Variants in SGCZ observed in about 807,000 individuals in gnomAD.
SGCZ encodes sarcoglycan zeta, also known as zeta-sarcoglycan.
In SGCZ, 40 loss-of-function variants were observed where a neutral mutation model predicts 41.3. The ratio of observed to expected loss-of-function variants is 0.97; its 90% CI spans 0.75 to 1.26. The LOEUF is 1.26. Among genes scored for constraint, SGCZ ranks in the 50% most tolerant of loss-of-function variants. SGCZ has a pLI of 0.00. For missense variants in SGCZ, 552 were observed against 369.8 expected (o/e 1.49, Z -4.04); for synonymous variants, 206 against 137.5 (o/e 1.50, Z -3.49).
chr8:14,332,960 T>C (rs1306154110), intron 2 of SGCZ, among the ~76,000 whole-genome samples: 1 of 150,904 alleles, frequency 6.6e-6, no homozygotes, highest in Non-Finnish European at 1.5e-5. Flanking sequence ...TATAAAATGT[T>C]CACATACGAA....
intron 1 of SGCZ, among the ~76,000 whole-genome samples, chr8:15,166,232 C>CTTTTTTTTTTCTTTT (rs1288920300): frequency 6.9e-6 from 1 of 145,258 alleles, no homozygotes; most frequent in Admixed American, 7.0e-5. Context: ...ATGCTCAATC[C>CTTTTTTTTTTCTTTT]TTTTTTTTTT....
intron 4 of SGCZ, chr8:14,164,921 T>C (rs1804162296): frequency 4.1e-6 from 2 of 489,926 alleles, no homozygotes; most frequent in African/African-American, 3.9e-5. Context: ...AGGTGACCTC[T>C]GGATGTCTGA....
At chr8:14,991,236 T>G (rs1802004397) in intron 1 of SGCZ, among the ~76,000 whole-genome samples, 1 of 152,232 alleles carries the variant, frequency 6.6e-6, no homozygotes, top group East Asian at 1.9e-4. Context: ...GTCTTTATTC[T>G]CATTCCATTC....
intron 7 of SGCZ, among the ~76,000 whole-genome samples, chr8:14,095,882 A>T (rs1037679224): frequency 4.6e-5 from 7 of 151,888 alleles, no homozygotes; most frequent in African/African-American, 9.7e-5. Context: ...GTGGGAGTTG[A>T]CTCATGATTT....
chr8:14,832,313 T>C (rs1243754990), intron 1 of SGCZ, among the ~76,000 whole-genome samples: 1 of 152,162 alleles, frequency 6.6e-6, no homozygotes, highest in East Asian at 1.9e-4. Flanking sequence ...CTCATGAATG[T>C]TGTCAGCTTA....
At chr8:15,048,246 A>G (rs997580938) in intron 1 of SGCZ, among the ~76,000 whole-genome samples, 1 of 152,060 alleles carries the variant, frequency 6.6e-6, no homozygotes, top group African/African-American at 2.4e-5. Flanking sequence ...AAAATATCAC[A>G]TGTTCTTAGC....
intron 1 of SGCZ, among the ~76,000 whole-genome samples, chr8:14,637,079 C>T (rs1247060151): frequency 6.6e-6 from 1 of 151,268 alleles, no homozygotes; most frequent in African/African-American, 2.4e-5. Flanking sequence ...ATTCGTGTTT[C>T]ACTCTCTCCA....
chr8:15,048,863 GA>G (rs1804410810), intron 1 of SGCZ, among the ~76,000 whole-genome samples: 1 of 152,038 alleles, frequency 6.6e-6, no homozygotes, highest in Non-Finnish European at 1.5e-5. Flanking sequence ...ATGGACAAGT[GA>G]AATAATTTAC....
chr8:14,973,137 A>G (rs1801354686), intron 1 of SGCZ, among the ~76,000 whole-genome samples: 1 of 152,160 alleles, frequency 6.6e-6, no homozygotes, highest in Non-Finnish European at 1.5e-5. Flanking sequence ...GTAAGTGTCC[A>G]TTTATTCTCT....
intron 1 of SGCZ, chr8:14,853,560 T>C (rs771642522): frequency 7.8e-6 from 4 of 512,558 alleles, no homozygotes; most frequent in Non-Finnish European, 1.6e-5. Context: ...GCAAACATAA[T>C]CAAACAATAC....
At chr8:14,557,612 G>C (rs190059827) in intron 1 of SGCZ, among the ~76,000 whole-genome samples, 16 of 152,134 alleles carry the variant, frequency 1.1e-4, no homozygotes, top group Admixed American at 2.6e-4. Flanking sequence ...TAAGGTGGGA[G>C]ATGAGGATCC....
At chr8:14,105,643 T>C (rs13266182) in intron 6 of SGCZ, among the ~76,000 whole-genome samples, 52,106 of 151,970 alleles carry the variant, frequency 0.34, 11,328 homozygotes, top group Non-Finnish European at 0.49. Flanking sequence ...GTAACACTTA[T>C]CTTGGGGGTT....
At chr8:15,172,850 A>G (rs770754078) in intron 1 of SGCZ, among the ~76,000 whole-genome samples, 12 of 152,240 alleles carry the variant, frequency 7.9e-5, no homozygotes, top group South Asian at 2.1e-4. Flanking sequence ...TCATAGCAAT[A>G]TATAAATGGG....
At chr8:14,384,860 T>C (rs989392265) in intron 2 of SGCZ, among the ~76,000 whole-genome samples, 18 of 152,340 alleles carry the variant, frequency 1.2e-4, no homozygotes, top group African/African-American at 3.8e-4. Flanking sequence ...CTCCTTGTAT[T>C]ATTTTTAATT....
rs192076103 is a variant in SGCZ at position 14,936,063 on chromosome 8, A to G, written c.39+301522T>C. Among the ~76,000 whole-genome samples the G allele has an allele frequency of 5.3e-5, 8 of 152,134 alleles. No individual in the cohort carries two copies. In the East Asian group the frequency reaches 1.4e-3, roughly 26 times the overall value. On this transcript the variant is annotated intron_variant, in intron 1 of 7. Coordinates refer to ENST00000382080, the MANE Select transcript of SGCZ (RefSeq NM_139167.4). ...AAACTTGTATGTACCTAGACTTTAA[A>G]TATTCAAAATTGCCATCATTATAAA...
intron 4 of SGCZ, among the ~76,000 whole-genome samples, chr8:14,191,332 T>G (rs1805093574): frequency 6.6e-6 from 1 of 152,230 alleles, no homozygotes; most frequent in African/African-American, 2.4e-5. Flanking sequence ...TTGAAAGTTT[T>G]TAGTTTGATA....
intron 3 of SGCZ, among the ~76,000 whole-genome samples, chr8:14,259,939 A>C (rs867507469): frequency 6.6e-6 from 1 of 152,170 alleles, no homozygotes; most frequent in South Asian, 2.1e-4. Flanking sequence ...CTTCCTACCC[A>C]TGAGCATGGA....
chr8:14,339,617 G>C (rs181040921), intron 2 of SGCZ, among the ~76,000 whole-genome samples: 1 of 152,116 alleles, frequency 6.6e-6, no homozygotes, highest in Non-Finnish European at 1.5e-5. Context: ...CATGTTAGGA[G>C]GTTGGTACTT....
At chr8:15,237,443 C>T in intron 1 of SGCZ, 142 bp downstream of exon 1, 3 of 993,332 alleles carry the variant, frequency 3.0e-6, no homozygotes, top group Non-Finnish European at 3.0e-6. Flanking sequence ...CGCCTGCGCC[C>T]GGGTGCGCGT....
Sources: gnomAD v4.1 joint callset for allele counts (sites outside exome capture counted in the v4.1 genomes callset) on GRCh38, gnomAD v4.1.1 for gene constraint, MANE v1.5 for transcripts, NCBI Gene and HGNC (gene_info 2026-07-23, HGNC 2026-07-21) for gene names.